The following CNTNAP2 variants were observed in gnomAD, a reference collection of about 807,000 sequenced individuals.
CNTNAP2 encodes the protein contactin-associated protein-like 2.
A neutral mutation model predicts 155.2 loss-of-function variants in CNTNAP2; 98 were observed. The observed-to-expected ratio is 0.63, with a 90% CI of 0.54 to 0.75. CNTNAP2 has a LOEUF of 0.75. Ranked by LOEUF, CNTNAP2 falls within the 30% of genes least tolerant of loss-of-function variation. The pLI is 0.00. For synonymous variants in CNTNAP2, 651 were observed against 631.2 expected, an observed-to-expected ratio of 1.03 and a Z score of -0.47; for missense variants, 1,727 against 1,688.1, an observed-to-expected ratio of 1.02 and a Z score of -0.40.
At chr7:147,178,829 C>T (rs1189443414) in intron 8 of CNTNAP2, among the ~76,000 whole-genome samples, 2 of 152,178 alleles carry the variant, frequency 1.3e-5, no homozygotes, top group Non-Finnish European at 1.5e-5. Flanking sequence ...AAACAAAAAC[C>T]GTTGATTAAG....
chr7:146,635,138 T>C (rs1053865509), intron 1 of CNTNAP2, among the ~76,000 whole-genome samples: 8 of 151,710 alleles, frequency 5.3e-5, no homozygotes, highest in Admixed American at 3.9e-4. Flanking sequence ...GCCTCAAACA[T>C]AGCACACACA....
intron 3 of CNTNAP2, among the ~76,000 whole-genome samples, chr7:146,880,840 G>A (rs1795535092): frequency 6.6e-6 from 1 of 151,996 alleles, no homozygotes; most frequent in Non-Finnish European, 1.5e-5. Flanking sequence ...AAAATCTCAG[G>A]GGATGAAATA....
At chr7:147,319,459 C>A (rs1343758928) in intron 9 of CNTNAP2, among the ~76,000 whole-genome samples, 1 of 152,122 alleles carries the variant, frequency 6.6e-6, no homozygotes, top group Non-Finnish European at 1.5e-5. Flanking sequence ...CTCACTGCAA[C>A]CTCTGCCTCC....
chr7:148,217,919 A>C (rs1244502319), intron 19 of CNTNAP2, among the ~76,000 whole-genome samples: 1 of 152,186 alleles, frequency 6.6e-6, no homozygotes, highest in Non-Finnish European at 1.5e-5. Flanking sequence ...GAGCTCAAGA[A>C]TTTGAGACCA....
At chr7:146,457,063 A>C (rs569310711) in intron 1 of CNTNAP2, among the ~76,000 whole-genome samples, 1 of 152,072 alleles carries the variant, frequency 6.6e-6, no homozygotes, top group African/African-American at 2.4e-5. Context: ...CCTCATTCAG[A>C]TTAAAGTTTT....
At chr7:146,544,389 C>G (rs1196834467) in intron 1 of CNTNAP2, among the ~76,000 whole-genome samples, 1 of 151,940 alleles carries the variant, frequency 6.6e-6, no homozygotes, top group African/African-American at 2.4e-5. Context: ...GCAAGTGAGG[C>G]CTTTGCCTTT....
intron 9 of CNTNAP2, among the ~76,000 whole-genome samples, chr7:147,350,121 T>G (rs826786): frequency 0.15 from 22,482 of 151,854 alleles, 1,882 homozygotes; most frequent in East Asian, 0.32. Flanking sequence ...TAGAAAAGAA[T>G]ATGTGAGAGG....
intron 21 of CNTNAP2, among the ~76,000 whole-genome samples, chr7:148,322,766 T>TA (rs1797815853): frequency 6.7e-6 from 1 of 148,524 alleles, no homozygotes; most frequent in African/African-American, 2.5e-5. Context: ...AATAAGTAGT[T>TA]TTGTTTTGTT....
At chr7:146,998,773 C>A (rs1475565842) in intron 3 of CNTNAP2, among the ~76,000 whole-genome samples, 1 of 151,702 alleles carries the variant, frequency 6.6e-6, no homozygotes, top group African/African-American at 2.4e-5. Flanking sequence ...TTTATAATGA[C>A]CTTTTTGTCT....
intron 20 of CNTNAP2, among the ~76,000 whole-genome samples, chr7:148,255,846 G>A (rs1796445399): frequency 6.6e-6 from 1 of 152,138 alleles, no homozygotes; most frequent in Non-Finnish European, 1.5e-5. Context: ...CGAGCCTTAA[G>A]CATTTCTGGG....
chr7:146,848,882 C>T (rs896410731), intron 3 of CNTNAP2, among the ~76,000 whole-genome samples: 6 of 152,128 alleles, frequency 3.9e-5, no homozygotes, highest in African/African-American at 7.2e-5. Context: ...AAGGGATTCT[C>T]CTGCTTCAGC....
chr7:148,363,903 G>GCAGC (rs1297175255), intron 21 of CNTNAP2, among the ~76,000 whole-genome samples: 2 of 151,716 alleles, frequency 1.3e-5, no homozygotes, highest in Admixed American at 6.6e-5. Flanking sequence ...CACACTCTGA[G>GCAGC]CAGCCAGCCA....
chr7:147,359,935 C>T (rs1424612060), intron 9 of CNTNAP2, among the ~76,000 whole-genome samples: 1 of 152,052 alleles, frequency 6.6e-6, no homozygotes. Flanking sequence ...TTATAAACAA[C>T]ATAAACTTGA....
chr7:147,784,469 C>A (rs1170227189), intron 13 of CNTNAP2, among the ~76,000 whole-genome samples: 1 of 102,958 alleles, frequency 9.7e-6, no homozygotes, highest in African/African-American at 3.5e-5. Flanking sequence ...CATACACATT[C>A]TCTTAATATT....
chr7:147,085,023 T>C (rs1356777583), intron 4 of CNTNAP2, among the ~76,000 whole-genome samples: 1 of 151,974 alleles, frequency 6.6e-6, no homozygotes, highest in African/African-American at 2.4e-5. Context: ...CAGGCTTATT[T>C]TTTTCTCAAA....
chr7:147,688,527 C>T (rs926519427), intron 13 of CNTNAP2, among the ~76,000 whole-genome samples: 5 of 152,130 alleles, frequency 3.3e-5, no homozygotes, highest in Non-Finnish European at 5.9e-5. Context: ...CAAACCATAA[C>T]TGATCATTTT....
intron 1 of CNTNAP2, among the ~76,000 whole-genome samples, chr7:146,172,309 C>T (rs1194320900): frequency 6.6e-6 from 1 of 152,028 alleles, no homozygotes. Context: ...CTACTGACAT[C>T]TAGTGGGTGG....
At chr7:147,466,495 A>C (rs1318965480) in intron 10 of CNTNAP2, among the ~76,000 whole-genome samples, 2 of 152,280 alleles carry the variant, frequency 1.3e-5, no homozygotes, top group African/African-American at 4.8e-5. Flanking sequence ...TTTTATGACT[A>C]ACCTTGGGGG....
At chr7:147,960,424 A>G (rs1324533622) in intron 14 of CNTNAP2, among the ~76,000 whole-genome samples, 2 of 152,226 alleles carry the variant, frequency 1.3e-5, no homozygotes, top group Non-Finnish European at 2.9e-5. Context: ...TACTGACTCC[A>G]GCAGTGGTGT....
Sources: gnomAD v4.1 joint callset for allele counts (sites outside exome capture counted in the v4.1 genomes callset) on GRCh38, gnomAD v4.1.1 for gene constraint, MANE v1.5 for transcripts, NCBI Gene and HGNC (gene_info 2026-07-23, HGNC 2026-07-21) for gene names.